Variants in CDH13 observed in about 807,000 individuals in gnomAD.
CDH13 encodes the protein cadherin 13.
Under a neutral mutation model 63.8 loss-of-function variants are expected in CDH13, and 24 were observed. The ratio of observed to expected loss-of-function variants is 0.38; its 90% CI spans 0.27 to 0.53. The LOEUF is 0.53. CDH13 is among the 20% of genes least tolerant of loss of function. The pLI, the probability that CDH13 is intolerant of heterozygous loss-of-function variation, is 0.85. For synonymous variants in CDH13, 503 were observed against 355.3 expected (o/e 1.42, Z -4.67); for missense variants, 1,049 against 903.1 (o/e 1.16, Z -2.07).
chr16:83,485,657 C>T (rs922454507), intron 6 of CDH13, among the ~76,000 whole-genome samples: 3 of 152,078 alleles, frequency 2.0e-5, no homozygotes, highest in Non-Finnish European at 4.4e-5. Flanking sequence ...TGTGCAAACC[C>T]CAGACTAGAT....
At chr16:83,556,644 G>A (rs2075608144) in intron 7 of CDH13, among the ~76,000 whole-genome samples, 1 of 152,146 alleles carries the variant, frequency 6.6e-6, no homozygotes, top group Non-Finnish European at 1.5e-5. Context: ...CTCAGTTTCG[G>A]TATTTCTCAC....
chr16:82,772,519 C>T (rs1005062315), intron 1 of CDH13, among the ~76,000 whole-genome samples: 2 of 152,162 alleles, frequency 1.3e-5, no homozygotes, highest in Non-Finnish European at 2.9e-5. Flanking sequence ...GGTCTCTCAA[C>T]CTGAGGTGGC....
intron 5 of CDH13, among the ~76,000 whole-genome samples, chr16:83,296,022 C>G (rs959146248): frequency 9.2e-5 from 14 of 152,142 alleles, no homozygotes; most frequent in Non-Finnish European, 1.5e-4. Context: ...GAAATAAACT[C>G]TGGTCATTGA....
chr16:83,214,401 GA>G (rs1293557492), intron 4 of CDH13, among the ~76,000 whole-genome samples: 3 of 151,722 alleles, frequency 2.0e-5, no homozygotes, highest in African/African-American at 7.3e-5. Flanking sequence ...CCAACATGGG[GA>G]AAACCCATCT....
At chr16:83,305,069 GC>G (rs2089842125) in intron 5 of CDH13, among the ~76,000 whole-genome samples, 1 of 152,194 alleles carries the variant, frequency 6.6e-6, no homozygotes. Context: ...CTCAATGTAA[GC>G]CCAGGTGAGA....
At position 83,430,091 on chromosome 16, in the gene CDH13, G is replaced by A. The variant is rs12928956; in HGVS notation, c.782-56386G>A. ...GTTTCCTCAAAAAATTAAAAATAGAGCTACCATGTGATCCAGCAGTTTCCC... is the reference window on the plus strand; with the variant it reads ...GTTTCCTCAAAAAATTAAAAATAGAACTACCATGTGATCCAGCAGTTTCCC... On this transcript the variant is annotated intron_variant, in intron 6 of 13. Transcript: ENST00000567109. Among the ~76,000 whole-genome samples, 9 of 152,150 alleles carry A rather than the reference G, an allele frequency of 5.9e-5. No individual in the cohort carries two copies. In the South Asian group the frequency reaches 1.2e-3, roughly 21 times the overall value.
chr16:83,385,119 CAT>C (rs1346815648), intron 6 of CDH13, among the ~76,000 whole-genome samples: 7 of 152,148 alleles, frequency 4.6e-5, no homozygotes, highest in Admixed American at 4.6e-4. Context: ...GATGCTTAGA[CAT>C]ATATATTTTT....
At chr16:82,664,238 C>G (rs1460887270) in intron 1 of CDH13, among the ~76,000 whole-genome samples, 2 of 152,246 alleles carry the variant, frequency 1.3e-5, no homozygotes, top group African/African-American at 4.8e-5. Context: ...ATTGCCTGTT[C>G]TTCACATGGC....
In CDH13 at chr16:83,794,902, A is replaced by G. The variant is rs1482114271; in HGVS notation, c.2135-121A>G. On this transcript the variant is annotated intron_variant, in intron 13 of 13. Transcript: ENST00000567109. ...TTAAGGAAAAAAAAAATTCCCCCATAGTCGTGTGATGTTTAAAATGTGTTT... is the reference window on the plus strand; with the variant it reads ...TTAAGGAAAAAAAAAATTCCCCCATGGTCGTGTGATGTTTAAAATGTGTTT... The G allele has an allele frequency of 1.4e-5, 12 of 874,364 alleles. 1 individual carries two copies. Among genetic ancestry groups the G allele is most frequent in the South Asian group, 1.2e-4 (8 of 68,730 alleles). The allele number at this position is 874,364 out of a possible 1,614,324, so 54.2% of individuals were successfully genotyped here.
intron 1 of CDH13, among the ~76,000 whole-genome samples, chr16:82,716,872 A>G (rs1410099589): frequency 6.6e-6 from 1 of 151,788 alleles, no homozygotes; most frequent in Non-Finnish European, 1.5e-5. Context: ...GAAGCCTTAC[A>G]CGGGTCCGTC....
At chr16:82,796,692 G>T (rs897294574) in intron 1 of CDH13, among the ~76,000 whole-genome samples, 1 of 152,232 alleles carries the variant, frequency 6.6e-6, no homozygotes, top group East Asian at 1.9e-4. Context: ...ACTGGCCCTA[G>T]TGGCCACCCA....
chr16:82,902,048 C>G (rs1256192155), intron 2 of CDH13, among the ~76,000 whole-genome samples: 2 of 152,208 alleles, frequency 1.3e-5, no homozygotes, highest in East Asian at 1.9e-4. Context: ...GACTCAAACA[C>G]AAGTCTGTCT....
At chr16:82,860,165 A>G (rs1016512571) in intron 2 of CDH13, among the ~76,000 whole-genome samples, 2 of 151,914 alleles carry the variant, frequency 1.3e-5, no homozygotes, top group African/African-American at 4.8e-5. Context: ...AATGGCATCT[A>G]TGTTAACATG....
chr16:83,068,350 C>G (rs538476622), intron 3 of CDH13, among the ~76,000 whole-genome samples: 1 of 152,266 alleles, frequency 6.6e-6, no homozygotes. Context: ...GGAAAACTGA[C>G]TGACTCATTG....
At chr16:83,286,400 A>G (rs2089313478) in intron 5 of CDH13, among the ~76,000 whole-genome samples, 2 of 152,178 alleles carry the variant, frequency 1.3e-5, no homozygotes, top group African/African-American at 4.8e-5. Flanking sequence ...TTTAAAAGGC[A>G]TGCTCCCTCT....
chr16:83,416,839 G>A (rs1477172141), intron 6 of CDH13, among the ~76,000 whole-genome samples: 1 of 152,100 alleles, frequency 6.6e-6, no homozygotes, highest in African/African-American at 2.4e-5. Context: ...TGTGCCTAAG[G>A]ATTCTCATCA....
At chr16:83,754,038 T>C (rs1306614580) in intron 11 of CDH13, among the ~76,000 whole-genome samples, 1 of 151,888 alleles carries the variant, frequency 6.6e-6, no homozygotes, top group Non-Finnish European at 1.5e-5. Flanking sequence ...GGAAAGAAAT[T>C]AGAAACGAGT....
intron 7 of CDH13, among the ~76,000 whole-genome samples, chr16:83,539,105 C>G (rs2075252232): frequency 1.3e-5 from 2 of 152,092 alleles, no homozygotes; most frequent in Admixed American, 6.5e-5. Context: ...TCTTGAGAAT[C>G]TAGTATCCTT....
At chr16:83,129,341 A>C (rs1408283305) in intron 4 of CDH13, among the ~76,000 whole-genome samples, 1 of 152,214 alleles carries the variant, frequency 6.6e-6, no homozygotes, top group African/African-American at 2.4e-5. Flanking sequence ...AAAAGTATAA[A>C]GACGTTTGTC....
Sources: gnomAD v4.1 joint callset for allele counts (sites outside exome capture counted in the v4.1 genomes callset) on GRCh38, gnomAD v4.1.1 for gene constraint, MANE v1.5 for transcripts, NCBI Gene and HGNC (gene_info 2026-07-23, HGNC 2026-07-21) for gene names.